Variants in DLGAP2 observed in about 807,000 individuals in gnomAD.
The protein encoded by DLGAP2 is disks large-associated protein 2.
DLGAP2 carries 26 observed loss-of-function variants against 100.3 expected under a neutral mutation model. The observed-to-expected ratio is 0.26, with a 90% CI of 0.19 to 0.36. DLGAP2 has a LOEUF of 0.36. Among genes scored for constraint, DLGAP2 ranks in the 10% least tolerant of loss-of-function variants. The probability of loss-of-function intolerance (pLI) is 1.00; values close to 1 mark genes in which losing one functional copy is unlikely to be tolerated. For missense variants in DLGAP2, 1,858 were observed against 1,453.2 expected (o/e 1.28, Z -4.53); for synonymous variants, 886 against 630.1 (o/e 1.41, Z -6.08).
intron 2 of DLGAP2, among the ~76,000 whole-genome samples, chr8:1,226,764 C>T (rs1798424510): frequency 6.6e-6 from 1 of 151,866 alleles, no homozygotes; most frequent in South Asian, 2.1e-4. Flanking sequence ...TTTGTGTAAT[C>T]CTCAGTAAAC....
chr8:1,597,140 G>C (rs551026237), intron 6 of DLGAP2, among the ~76,000 whole-genome samples: 78 of 152,208 alleles, frequency 5.1e-4, no homozygotes, highest in African/African-American at 1.8e-3. Flanking sequence ...CCCATTGTTT[G>C]TTTTTGTCAG....
At chr8:912,273 A>G (rs1353943074) in intron 2 of DLGAP2, among the ~76,000 whole-genome samples, 1 of 152,214 alleles carries the variant, frequency 6.6e-6, no homozygotes, top group East Asian at 1.9e-4. Flanking sequence ...CTAATTGACA[A>G]TGAATGTAAA....
intron 2 of DLGAP2, among the ~76,000 whole-genome samples, chr8:1,004,047 G>A (rs934331444): frequency 1.2e-4 from 18 of 151,942 alleles, no homozygotes; most frequent in African/African-American, 3.4e-4. Flanking sequence ...ATAATTGCCC[G>A]ATACATGTTA....
chr8:1,434,584 C>T (rs886122905), intron 3 of DLGAP2, among the ~76,000 whole-genome samples: 2 of 152,126 alleles, frequency 1.3e-5, no homozygotes, highest in Non-Finnish European at 2.9e-5. Context: ...TCAAGCAATC[C>T]TCCCACTTCA....
intron 2 of DLGAP2, among the ~76,000 whole-genome samples, chr8:1,175,192 T>G (rs2116688467): frequency 6.6e-6 from 1 of 152,304 alleles, no homozygotes; most frequent in South Asian, 2.1e-4. Flanking sequence ...GCCATAAAAT[T>G]ACTAACTAGT....
intron 12 of DLGAP2, among the ~76,000 whole-genome samples, chr8:1,685,205 G>C (rs919272647): frequency 6.6e-6 from 1 of 152,200 alleles, no homozygotes; most frequent in Non-Finnish European, 1.5e-5. Flanking sequence ...CTGACAAAGA[G>C]CCCAGAGAGA....
At chr8:1,634,954 C>A (rs909481796) in intron 8 of DLGAP2, among the ~76,000 whole-genome samples, 1 of 152,146 alleles carries the variant, frequency 6.6e-6, no homozygotes, top group African/African-American at 2.4e-5. Flanking sequence ...TCTACCGGAT[C>A]TTGGCCCAGT....
intron 2 of DLGAP2, among the ~76,000 whole-genome samples, chr8:1,093,704 A>C (rs1288136674): frequency 6.6e-6 from 1 of 151,348 alleles, no homozygotes; most frequent in African/African-American, 2.4e-5. Flanking sequence ...ACTTCACACC[A>C]ACAGCCAGAA....
intron 2 of DLGAP2, among the ~76,000 whole-genome samples, chr8:915,060 T>C (rs1465894922): frequency 1.3e-5 from 2 of 152,184 alleles, no homozygotes; most frequent in Non-Finnish European, 2.9e-5. Context: ...CAGGTTCCTG[T>C]GAGAGGGTCT....
At chr8:1,638,696 A>T (rs1797827099) in intron 8 of DLGAP2, among the ~76,000 whole-genome samples, 1 of 152,106 alleles carries the variant, frequency 6.6e-6, no homozygotes. Flanking sequence ...GGCTTTTAAG[A>T]GGCCTCCTGC....
intron 4 of DLGAP2, among the ~76,000 whole-genome samples, chr8:1,502,525 T>A (rs577793430): frequency 6.6e-6 from 1 of 152,330 alleles, no homozygotes; most frequent in African/African-American, 2.4e-5. Context: ...AGTCCTAGAT[T>A]TGTTGCTAAC....
At chr8:1,565,658 G>GT (rs1419349051) in intron 5 of DLGAP2, 25 bp from the exon 6 acceptor site, 36 of 1,589,340 alleles carry the variant, frequency 2.3e-5, no homozygotes, top group Admixed American at 8.7e-5. Context: ...AAGTTGATGC[G>GT]TGTTTCATGT....
At chr8:1,352,201 ACTGTGTG>A (rs1801748048) in intron 3 of DLGAP2, among the ~76,000 whole-genome samples, 1 of 102,258 alleles carries the variant, frequency 9.8e-6, no homozygotes, top group African/African-American at 3.8e-5. Flanking sequence ...GCGGGTCCTG[ACTGTGTG>A]TGGAAAGGCC....
At chr8:1,301,438 C>T (rs1800336689) in intron 3 of DLGAP2, 1 of 144,146 alleles carries the variant, frequency 6.9e-6, no homozygotes, top group Admixed American at 7.1e-5. Flanking sequence ...ACTCTCCAAC[C>T]TCCACTTTTT....
chr8:1,268,230 G>C (rs1297145942), intron 3 of DLGAP2, among the ~76,000 whole-genome samples: 2 of 152,096 alleles, frequency 1.3e-5, no homozygotes, highest in Non-Finnish European at 2.9e-5. Context: ...TTATATTTTT[G>C]GTCACTGGGT....
chr8:837,845 T>G lies in DLGAP2; in HGVS notation c.19-70067T>G, dbSNP rs547568082. 2.1e-4 allele frequency among the ~76,000 whole-genome samples: 31 copies of G among 150,382 alleles called. 1 individual carries two copies. The highest frequency in any genetic ancestry group is 1.7e-3 in the South Asian group (8 of 4,786). ...AATTCTCCTGCCTCATCCTCCTGAG[T>G]AGCTGGGATTACAGGCATGCATCAC... On this transcript the variant is annotated intron_variant, in intron 1 of 14. Coordinates refer to ENST00000637795, the MANE Select transcript of DLGAP2 (RefSeq NM_001346810.2).
intron 2 of DLGAP2, among the ~76,000 whole-genome samples, chr8:1,256,344 T>A (rs1484227686): frequency 7.5e-6 from 1 of 132,940 alleles, no homozygotes; most frequent in South Asian, 2.7e-4. Context: ...CATGTGTGTG[T>A]CCTCTCCTGC....
At chr8:1,067,402 C>T (rs1308844541) in intron 2 of DLGAP2, among the ~76,000 whole-genome samples, 1 of 152,184 alleles carries the variant, frequency 6.6e-6, no homozygotes, top group East Asian at 1.9e-4. Context: ...TCACCTGGTG[C>T]CTGGGAAGCT....
intron 5 of DLGAP2, among the ~76,000 whole-genome samples, chr8:1,558,925 T>C (rs1185699746): frequency 6.6e-6 from 1 of 152,212 alleles, no homozygotes; most frequent in Non-Finnish European, 1.5e-5. Flanking sequence ...GACATTTCCC[T>C]GTGGGAACGC....
Sources: allele counts gnomAD v4.1 joint callset (sites outside exome capture counted in the v4.1 genomes callset), GRCh38; gene constraint gnomAD v4.1.1; transcripts MANE v1.5; gene names NCBI Gene and HGNC (gene_info 2026-07-23, HGNC 2026-07-21).